TP73: variants seen among roughly 807,000 people sequenced by gnomAD.
TP73 encodes p53-like transcription factor.
In TP73, 25 loss-of-function variants were observed where a neutral mutation model predicts 62.5. The ratio of observed to expected loss-of-function variants is 0.40; its 90% CI spans 0.29 to 0.56. The LOEUF (loss-of-function observed/expected upper bound fraction) is 0.56, where lower values mean the gene tolerates loss of function less well. TP73 is among the 20% of genes least tolerant of loss of function. TP73 has a pLI of 0.46. For missense variants in TP73, 754 were observed against 913.3 expected, an observed-to-expected ratio of 0.83 and a Z score of 2.25; for synonymous variants, 423 against 377.5, an observed-to-expected ratio of 1.12 and a Z score of -1.40.
intron 4 of TP73, among the ~76,000 whole-genome samples, chr1:3,719,532 G>A (rs1640887782): frequency 6.6e-6 from 1 of 152,228 alleles, no homozygotes; most frequent in Non-Finnish European, 1.5e-5. Context: ...TTGTCCAAGA[G>A]ACCAGTGCCT....
chr1:3,726,904 T>TGGATGGGTG (rs1641689822), intron 6 of TP73, among the ~76,000 whole-genome samples: 1 of 146,644 alleles, frequency 6.8e-6, no homozygotes, highest in Non-Finnish European at 1.5e-5. Flanking sequence ...ATGGGTTCGA[T>TGGATGGGTG]GGATGGATGG....
At chr1:3,652,973 G>A (rs1570324053) in intron 1 of TP73, among the ~76,000 whole-genome samples, 1 of 152,062 alleles carries the variant, frequency 6.6e-6, no homozygotes, top group Non-Finnish European at 1.5e-5. Context: ...CGGGCTCCGA[G>A]GGCCGTTGGG....
intron 4 of TP73, among the ~76,000 whole-genome samples, chr1:3,711,494 T>C (rs139300723): frequency 6.6e-6 from 1 of 152,376 alleles, no homozygotes; most frequent in Non-Finnish European, 1.5e-5. Context: ...GGGCATCGGA[T>C]GCTGTGACAC....
chr1:3,723,268 C>T (rs982877961), intron 5 of TP73, 86 bp from the exon 6 acceptor site: 21 of 1,060,720 alleles, frequency 2.0e-5, no homozygotes, highest in African/African-American at 2.0e-4. Context: ...CCTTTGAACC[C>T]GGCACAGGGC....
chr1:3,730,370 A>G (rs1200868194), intron 11 of TP73, among the ~76,000 whole-genome samples: 17 of 152,172 alleles, frequency 1.1e-4, no homozygotes, highest in Admixed American at 1.1e-3. Flanking sequence ...AGAGCGTGGA[A>G]CCCACATGCA....
At chr1:3,687,742 G>A (rs1484196799) in intron 3 of TP73, among the ~76,000 whole-genome samples, 1 of 152,058 alleles carries the variant, frequency 6.6e-6, no homozygotes, top group South Asian at 2.1e-4. Flanking sequence ...TCCAGGGCTG[G>A]CCCCTCCCCT....
At chr1:3,658,560 T>A (rs1008590524) in intron 1 of TP73, among the ~76,000 whole-genome samples, 2 of 152,246 alleles carry the variant, frequency 1.3e-5, no homozygotes, top group African/African-American at 4.8e-5. Context: ...ATCAGTCTCA[T>A]GGTGAGAAAA....
intron 7 of TP73, 94 bp from the exon 8 acceptor site, chr1:3,727,534 G>T (rs1329156569): frequency 2.6e-6 from 4 of 1,513,570 alleles, no homozygotes; most frequent in East Asian, 2.4e-5. Flanking sequence ...GGCTCTCAAG[G>T]CCGGTCCTGC....
Position 3,704,659 on chromosome 1 carries a change from T to G in TP73, c.187-2890T>G, listed in dbSNP as rs181121959. Among the ~76,000 whole-genome samples, 549 of 152,326 alleles carry G rather than the reference T, an allele frequency of 3.6e-3. 2 individuals are homozygous for G. Among genetic ancestry groups the G allele is most frequent in the African/African-American group, 0.012 (514 of 41,582 alleles). Reference sequence around the variant, plus strand: ...TCGTGTGCAGACCACAAGTGCAGGCTTCCAGGAAGGGCCTGGGCCCGTGGT... The same window carrying G: ...TCGTGTGCAGACCACAAGTGCAGGCGTCCAGGAAGGGCCTGGGCCCGTGGT... On this transcript the variant is annotated intron_variant, in intron 3 of 13. Coordinates refer to ENST00000378295, the MANE Select transcript of TP73 (RefSeq NM_005427.4).
rs1285846874 is a variant in TP73 at position 3,671,512 on chromosome 1, G to A, written c.-33-10821G>A. On this transcript the variant is annotated intron_variant, in intron 1 of 13. Transcript: ENST00000378295. ...CATCGTCGGGAGCCCCCTTCGTGAC[G>A]GGGGCAAAGGCTGGATCGTTGTCTG... Among the ~76,000 whole-genome samples, 5 of 152,348 alleles carry A rather than the reference G, an allele frequency of 3.3e-5. No individual in the cohort carries two copies. The East Asian group carries it at 5.8e-4, about 18-fold the overall frequency.
At chr1:3,727,089 C>T in intron 6 of TP73, 26 bp from the exon 7 acceptor site, 2 of 1,599,652 alleles carry the variant, frequency 1.3e-6, no homozygotes, top group Non-Finnish European at 1.7e-6. Context: ...TGATGCTAGC[C>T]CCTCTCCCTG....
In TP73 at chr1:3,707,546, C is replaced by T. The variant is rs1570542848; in HGVS notation, c.187-3C>T. 1 of 1,603,362 alleles carries T rather than the reference C, an allele frequency of 6.2e-7. No individual in the cohort carries two copies. The highest frequency in any genetic ancestry group is 2.2e-5 in the East Asian group (1 of 44,564). On this transcript the variant is annotated splice_polypyrimidine_tract_variant and splice_region_variant and intron_variant, in intron 3 of 13. Coordinates refer to ENST00000378295, the MANE Select transcript of TP73 (RefSeq NM_005427.4). The stretch of plus-strand genomic sequence containing the variant: ...CCCTCCCTCCTCCCCTTTCCCGCGC[C>T]AGGCCCAGTTCAATCTGCTGAGCAG...
chr1:3,672,155 G>T lies in TP73; in HGVS notation c.-33-10178G>T, dbSNP rs911167287. Among the ~76,000 whole-genome samples the T allele has an allele frequency of 9.9e-5, 15 of 152,130 alleles. No homozygotes were observed. Among genetic ancestry groups the T allele is most frequent in the Non-Finnish European group, 2.1e-4 (14 of 67,998 alleles). The stretch of plus-strand genomic sequence containing the variant: ...AAAAGCCCAGAGCCAGGGGTGAGGG[G>T]TATGTGTAGGGTGGGGACATCTCAG... On this transcript the variant is annotated intron_variant, in intron 1 of 13. Transcript: ENST00000378295. The surrounding 1 kb of genome is among the most constrained non-coding windows in gnomAD (Gnocchi z 5.3).
At chr1:3,687,915 C>T (rs1463844630) in intron 3 of TP73, among the ~76,000 whole-genome samples, 2 of 152,160 alleles carry the variant, frequency 1.3e-5, no homozygotes, top group African/African-American at 2.4e-5. Context: ...TCAGAACCTT[C>T]GGACACTTGG....
At position 3,707,834 on chromosome 1, in the gene TP73, G is replaced by T. The variant is rs569216343; in HGVS notation, c.429+43G>T. ...CTGAGGGCTGCGGGCTGCGGGCTGC[G>T]GGCTGGAGAGGAGGTGGCTGCGTTC... On this transcript the variant is annotated intron_variant, in intron 4 of 13. Coordinates refer to ENST00000378295, the MANE Select transcript of TP73 (RefSeq NM_005427.4). 3.2e-6 allele frequency: 5 copies of T among 1,587,044 alleles called. No homozygotes were observed. In the South Asian group the frequency reaches 3.4e-5, roughly 11 times the overall value.
chr1:3,721,678 C>G (rs971017352), intron 4 of TP73, among the ~76,000 whole-genome samples: 1 of 152,242 alleles, frequency 6.6e-6, no homozygotes, highest in African/African-American at 2.4e-5. Flanking sequence ...CGTTCCCGCC[C>G]TCACTCTCCA....
chr1:3,683,217 G>C (rs200965855), intron 3 of TP73, 37 bp downstream of exon 3: 1 of 1,575,356 alleles, frequency 6.3e-7, no homozygotes, highest in East Asian at 2.3e-5. Context: ...GAGGACTGGA[G>C]TGGGGACAAC....
chr1:3,731,732 C>T (rs375530759), intron 13 of TP73, among the ~76,000 whole-genome samples, 176 bp downstream of exon 13: 3 of 152,230 alleles, frequency 2.0e-5, no homozygotes, highest in Non-Finnish European at 4.4e-5. Flanking sequence ...CAGCCAGGCA[C>T]GTGGCTGGTG....
At chr1:3,711,813 A>C (rs1640163082) in intron 4 of TP73, among the ~76,000 whole-genome samples, 1 of 151,046 alleles carries the variant, frequency 6.6e-6, no homozygotes, top group African/African-American at 2.4e-5. Context: ...AGCTGCTCTC[A>C]GACTCAGCGT....
Sources: allele counts gnomAD v4.1 joint callset (sites outside exome capture counted in the v4.1 genomes callset), GRCh38; gene constraint gnomAD v4.1.1; non-coding constraint Gnocchi (gnomAD v3.1); transcripts MANE v1.5; gene names NCBI Gene and HGNC (gene_info 2026-07-23, HGNC 2026-07-21).